CPZ: variants seen among roughly 807,000 people sequenced by gnomAD.
The protein encoded by CPZ is carboxypeptidase Z.
Under a neutral mutation model 61.8 loss-of-function variants are expected in CPZ, and 103 were observed. That is an observed-to-expected ratio of 1.67 (90% CI 1.42 to 1.96). CPZ has a LOEUF of 1.96. CPZ is among the 30% of genes most tolerant of loss of function. CPZ has a pLI of 0.00. For synonymous variants in CPZ, 551 were observed against 373.7 expected, an observed-to-expected ratio of 1.47 and a Z score of -5.47; for missense variants, 1,461 against 914.9, an observed-to-expected ratio of 1.60 and a Z score of -7.70.
rs564816856 is a variant in CPZ at position 8,601,359 on chromosome 4, C to A, written c.358C>A (p.His120Asn). ...CGGCTGGGTGCGCAGACCCTGCCGG[C>A]ACATCTGCGAGGGCCTGCGGGAGGT... is the stretch of plus-strand genomic sequence containing the variant. ...EGGWVRRPCR[H>N]ICEGLREVCQ... The change falls in exon 3 of 11, where the codon CAC (histidine) becomes AAC (asparagine). Residue 120 changes from histidine (H) to asparagine (N), a missense_variant. Physicochemically the swap from His to Asn is moderately conservative, Grantham distance 68. Coordinates refer to ENST00000360986, the MANE Select transcript of CPZ (RefSeq NM_001014447.3). The A allele has an allele frequency of 3.1e-6, 5 of 1,603,092 alleles. No individual in the cohort carries two copies. The highest frequency in any genetic ancestry group is 4.5e-5 in the East Asian group (2 of 44,314).
At chr4:8,609,941 G>A (rs1226546862) in intron 7 of CPZ, among the ~76,000 whole-genome samples, 8 of 152,152 alleles carry the variant, frequency 5.3e-5, no homozygotes, top group East Asian at 1.9e-4. Context: ...CCCTACGGAC[G>A]AGAGCCAGTG....
intron 3 of CPZ, chr4:8,603,703 C>T (rs979742208): frequency 9.3e-5 from 50 of 537,710 alleles, no homozygotes; most frequent in South Asian, 7.2e-4. Flanking sequence ...TGTCCTGCTC[C>T]GTATTTTAGG....
chr4:8,617,375 T>C (rs1716266852), intron 9 of CPZ, among the ~76,000 whole-genome samples: 1 of 152,218 alleles, frequency 6.6e-6, no homozygotes, highest in Non-Finnish European at 1.5e-5. Flanking sequence ...CTCGGGCTAA[T>C]GTCCCGGGGC....
intron 4 of CPZ, among the ~76,000 whole-genome samples, chr4:8,605,641 T>TCATCCATCCATC (rs1560294278): frequency 7.6e-6 from 1 of 131,468 alleles, no homozygotes; most frequent in African/African-American, 3.8e-5. Context: ...ATATATCCAT[T>TCATCCATCCATC]CATCCACTCA....
chr4:8,609,237 CTCAT>C (rs1282252947), intron 7 of CPZ, among the ~76,000 whole-genome samples: 3 of 66,742 alleles, frequency 4.5e-5, no homozygotes, highest in Non-Finnish European at 9.8e-5. Flanking sequence ...CTCATTGTCA[CTCAT>C]TCACTCATCA....
chr4:8,615,040 T>C (rs914191177), intron 9 of CPZ, among the ~76,000 whole-genome samples: 4 of 151,794 alleles, frequency 2.6e-5, no homozygotes, highest in African/African-American at 9.7e-5. Flanking sequence ...AAGTGAGGGC[T>C]CTGGGCAGTG....
chr4:8,608,867 C>A (rs780579661), intron 7 of CPZ, among the ~76,000 whole-genome samples: 59 of 152,304 alleles, frequency 3.9e-4, no homozygotes, highest in African/African-American at 1.3e-3. Flanking sequence ...GGGGCCCATG[C>A]CGAGTGCTGT....
chr4:8,599,358 G>T, intron 1 of CPZ, 95 bp from the exon 2 acceptor site: 4 of 1,427,312 alleles, frequency 2.8e-6, no homozygotes, highest in Non-Finnish European at 3.7e-6. Context: ...GGCCTGGGCT[G>T]GTCCCTACCT....
rs1714751678 is a variant in CPZ, at chr4:8,603,890, G to A, written c.497-86G>A. On this transcript the variant is annotated intron_variant, in intron 3 of 10. Transcript: ENST00000360986. The stretch of plus-strand genomic sequence containing the variant: ...ATGGCTGTCGTGCAGAGGGGACTAA[G>A]GGTGCTGTGTGTGGTCAGCGTTCCC... 19 of 1,147,958 alleles carry A rather than the reference G, an allele frequency of 1.7e-5. 1 individual carries two copies. The South Asian group carries it at 2.2e-4, about 13-fold the overall frequency. 71.1% of individuals were successfully genotyped at this position (1,147,958 alleles called of 1,614,324 possible).
intron 2 of CPZ, among the ~76,000 whole-genome samples, chr4:8,600,616 C>T (rs988405685): frequency 6.6e-6 from 1 of 152,218 alleles, no homozygotes; most frequent in South Asian, 2.1e-4. Flanking sequence ...GGCATCCCTG[C>T]GAGCTGCAGA....
At chr4:8,603,740 G>A (rs373049901) in intron 3 of CPZ, 47 of 575,238 alleles carry the variant, frequency 8.2e-5, no homozygotes, top group East Asian at 5.8e-4. Context: ...CCCATAGTAT[G>A]TTTACTCACA....
chr4:8,601,016 C>T (rs1714532021), intron 2 of CPZ, 107 bp from the exon 3 acceptor site: 2 of 1,438,690 alleles, frequency 1.4e-6, no homozygotes, highest in Non-Finnish European at 1.8e-6. Context: ...CGTGGGTGCC[C>T]CTCCCTGCAG....
At chr4:8,613,837 C>T (rs748870648) in intron 8 of CPZ, among the ~76,000 whole-genome samples, 14 of 152,226 alleles carry the variant, frequency 9.2e-5, no homozygotes, top group African/African-American at 1.4e-4. Flanking sequence ...AATAGGACCA[C>T]CCTCCTAGAC....
intron 1 of CPZ, among the ~76,000 whole-genome samples, chr4:8,595,890 C>T (rs1234834286): frequency 6.6e-6 from 1 of 152,186 alleles, no homozygotes; most frequent in Non-Finnish European, 1.5e-5. Flanking sequence ...TCACACATGA[C>T]AACAGAGGCA....
At chr4:8,603,901 G>C in intron 3 of CPZ, 75 bp from the exon 4 acceptor site, 1 of 1,281,254 alleles carries the variant, frequency 7.8e-7, no homozygotes, top group South Asian at 1.2e-5. Context: ...GGTGCTGTGT[G>C]TGGTCAGCGT....
intron 2 of CPZ, among the ~76,000 whole-genome samples, chr4:8,600,742 C>A (rs1247370034): frequency 6.6e-6 from 1 of 152,244 alleles, no homozygotes; most frequent in Non-Finnish European, 1.5e-5. Context: ...CAGGATGTGT[C>A]TTTTGGGACG....
rs200017497 is a variant in CPZ at position 8,612,139 on chromosome 4, C to A, written c.1340C>A (p.Ala447Glu). ...AAGAGGGGGAGCATCATCAACGGGG[C>A]GGACTGGTACAGCTTCACGGGAGGT... is the stretch of plus-strand genomic sequence containing the variant. Reference protein sequence around the residue: ...FLKRGSIINGADWYSFTGGMS... With the variant: ...FLKRGSIINGEDWYSFTGGMS... Residue 447 changes from alanine (A) to glutamate (E), a missense_variant, in exon 8 of 11, where the codon GCG (alanine) becomes GAG (glutamate). Transcript: ENST00000360986. The A allele has an allele frequency of 2.7e-6, 4 of 1,477,300 alleles. No homozygotes were observed. Among genetic ancestry groups the A allele is most frequent in the Non-Finnish European group, 3.6e-6 (4 of 1,099,168 alleles). The allele number at this position is 1,477,300 out of a possible 1,614,324, so 91.5% of individuals were successfully genotyped here. A position where few individuals can be genotyped will look rare whatever the true frequency, so the allele number is the denominator to read the frequency against.
chr4:8,619,363 G>T lies in CPZ; in HGVS notation c.1705G>T (p.Ala569Ser). The change falls in exon 11 of 11, where the codon GCC (alanine) becomes TCC (serine). Residue 569 changes from alanine to serine, a missense_variant. By Grantham distance (99) the Ala-to-Ser change is moderately conservative (BLOSUM62 1). Coordinates refer to ENST00000360986, the MANE Select transcript of CPZ (RefSeq NM_001014447.3). ...AGTCATCAAGAAAGTCATCATCCCC[G>T]CCCGGATGAAGAGGGCTGGCCGTGT... Reference protein sequence around the residue: ...AKVIKKVIIPARMKRAGRVDF... With the variant: ...AKVIKKVIIPSRMKRAGRVDF... 13 of 1,614,160 alleles carry T rather than the reference G, an allele frequency of 8.1e-6. No individual in the cohort carries two copies. The highest frequency in any genetic ancestry group is 6.8e-6 in the Non-Finnish European group (8 of 1,180,026).
intron 7 of CPZ, among the ~76,000 whole-genome samples, chr4:8,609,163 T>TTTAC (rs1560298047): frequency 2.9e-3 from 11 of 3,852 alleles, no homozygotes; most frequent in South Asian, 7.6e-3. Flanking sequence ...CCCTCACTCA[T>TTTAC]TCACTCACCC....
Sources: allele counts gnomAD v4.1 joint callset (sites outside exome capture counted in the v4.1 genomes callset), GRCh38; gene constraint gnomAD v4.1.1; transcripts MANE v1.5; gene names NCBI Gene and HGNC (gene_info 2026-07-23, HGNC 2026-07-21).